ZNF143: variants seen among roughly 807,000 people sequenced by gnomAD.
The protein encoded by ZNF143 is SPH-binding factor.
In ZNF143, 49 loss-of-function variants were observed where a neutral mutation model predicts 74.1. That is an observed-to-expected ratio of 0.66 (90% CI 0.53 to 0.84). ZNF143 has a LOEUF of 0.84. ZNF143 is among the 40% of genes least tolerant of loss of function. The pLI is 0.00. For missense variants in ZNF143, 637 were observed against 793.4 expected (o/e 0.80, Z 2.37); for synonymous variants, 304 against 282.8 (o/e 1.07, Z -0.75).
At chr11:9,477,796 A>G (rs1003406253) in intron 5 of ZNF143, among the ~76,000 whole-genome samples, 2 of 151,958 alleles carry the variant, frequency 1.3e-5, no homozygotes, top group African/African-American at 4.8e-5. Flanking sequence ...TTGACTGTTA[A>G]TTGTTAGTGT....
chr11:9,526,455 A>G (rs755164303), intron 15 of ZNF143, among the ~76,000 whole-genome samples: 15 of 152,298 alleles, frequency 9.8e-5, no homozygotes, highest in Non-Finnish European at 2.1e-4. Context: ...TTTACTTGAT[A>G]AAGAGTTAGA....
At chr11:9,525,717 C>T (rs1463474231) in intron 15 of ZNF143, among the ~76,000 whole-genome samples, 3 of 152,160 alleles carry the variant, frequency 2.0e-5, no homozygotes, top group Admixed American at 1.3e-4. Context: ...AGAGCTACTC[C>T]TTAGAGAAAA....
chr11:9,497,529 C>A, intron 9 of ZNF143, 146 bp from the exon 10 acceptor site: 1 of 629,550 alleles, frequency 1.6e-6, no homozygotes, highest in East Asian at 3.7e-5. Flanking sequence ...CCGTGCCCGG[C>A]CCTTTTGTAC....
At chr11:9,481,279 T>C (rs978607181) in intron 7 of ZNF143, among the ~76,000 whole-genome samples, 2 of 152,034 alleles carry the variant, frequency 1.3e-5, no homozygotes, top group African/African-American at 2.4e-5. Flanking sequence ...TCACAGCTGT[T>C]TGGGAGGCGA....
intron 14 of ZNF143, among the ~76,000 whole-genome samples, chr11:9,518,300 A>G (rs1848791268): frequency 6.6e-6 from 1 of 152,206 alleles, no homozygotes; most frequent in Non-Finnish European, 1.5e-5. Flanking sequence ...GGAAACAACC[A>G]CCACCACCAC....
intron 5 of ZNF143, among the ~76,000 whole-genome samples, chr11:9,477,212 C>T (rs1856978914): frequency 8.7e-6 from 1 of 115,178 alleles, no homozygotes; most frequent in Non-Finnish European, 1.9e-5. Context: ...CCTCCCTTCC[C>T]TTCCTTCCCT....
At chr11:9,494,522 G>A (rs989859044) in intron 7 of ZNF143, 124 bp from the exon 8 acceptor site, 14 of 871,312 alleles carry the variant, frequency 1.6e-5, no homozygotes, top group East Asian at 2.8e-5. Flanking sequence ...TGTTGCCCAG[G>A]CTGCTCTTGA....
chr11:9,486,158 G>A (rs1369995460), intron 7 of ZNF143, among the ~76,000 whole-genome samples: 2 of 147,714 alleles, frequency 1.4e-5, no homozygotes, highest in African/African-American at 2.6e-5. Flanking sequence ...AGCCATGGGG[G>A]CCAATTAGAC....
intron 14 of ZNF143, among the ~76,000 whole-genome samples, chr11:9,517,251 C>T (rs2134216652): frequency 6.6e-6 from 1 of 151,782 alleles, no homozygotes; most frequent in South Asian, 2.1e-4. Flanking sequence ...GTCTTTTAAA[C>T]TTAACATCTT....
chr11:9,520,085 G>A (rs115305944), intron 14 of ZNF143, among the ~76,000 whole-genome samples: 4,550 of 126,324 alleles, frequency 0.036, 211 homozygotes, highest in African/African-American at 0.12. Flanking sequence ...CGCCCAGACT[G>A]CAGTGCAGTG....
intron 1 of ZNF143, among the ~76,000 whole-genome samples, chr11:9,461,472 G>A (rs1436901047): frequency 6.6e-6 from 1 of 152,170 alleles, no homozygotes; most frequent in Non-Finnish European, 1.5e-5. Context: ...GCGCCGCCGA[G>A]GCAGAGTTCC....
intron 15 of ZNF143, among the ~76,000 whole-genome samples, chr11:9,526,563 C>G (rs1189167310): frequency 6.6e-6 from 1 of 150,722 alleles, no homozygotes; most frequent in East Asian, 1.9e-4. Context: ...AGGTAAGCAT[C>G]TTTTGTCTCT....
intron 5 of ZNF143, among the ~76,000 whole-genome samples, chr11:9,477,230 CT>C (rs1310638719): frequency 3.1e-5 from 4 of 127,272 alleles, no homozygotes; most frequent in African/African-American, 5.9e-5. Context: ...CCTTCCTTCC[CT>C]TCCTTCCCTT....
chr11:9,464,021 A>G (rs1856031322), intron 1 of ZNF143, among the ~76,000 whole-genome samples: 1 of 152,024 alleles, frequency 6.6e-6, no homozygotes, highest in East Asian at 1.9e-4. Context: ...TCACTGTTTC[A>G]GATAGATAGA....
At chr11:9,521,967 G>A (rs1848946285) in intron 14 of ZNF143, among the ~76,000 whole-genome samples, 2 of 151,546 alleles carry the variant, frequency 1.3e-5, no homozygotes, top group Admixed American at 1.3e-4. Context: ...TCAGGAGGCT[G>A]AGGTGGGAGG....
intron 10 of ZNF143, among the ~76,000 whole-genome samples, chr11:9,500,546 G>T (rs911797568): frequency 6.6e-6 from 1 of 151,736 alleles, no homozygotes; most frequent in East Asian, 1.9e-4. Flanking sequence ...CGATTCTCCC[G>T]CCTCAGCCTC....
chr11:9,464,720 G>T (rs1020839837), intron 1 of ZNF143, among the ~76,000 whole-genome samples: 1 of 152,072 alleles, frequency 6.6e-6, no homozygotes, highest in African/African-American at 2.4e-5. Context: ...AGGAGTTCAA[G>T]ATGAGCCCGA....
chr11:9,479,521 A>G lies in ZNF143; in HGVS notation c.620A>G (p.Glu207Gly), dbSNP rs770956718. Residue 207 changes from glutamate (E) to glycine (G), a missense_variant, in exon 7 of 16, where the codon GAA (glutamate) becomes GGA (glycine). Glu to Gly is a moderately conservative substitution (Grantham distance 98, BLOSUM62 -2). Coordinates refer to ENST00000396602, the MANE Select transcript of ZNF143 (RefSeq NM_003442.6). Reference sequence around the variant, plus strand: ...GTAGCAGGTACTGGAATGATTGGAGAAAATGAGCAAGAGAAAAAAATGCAG... The same window carrying G: ...GTAGCAGGTACTGGAATGATTGGAGGAAATGAGCAAGAGAAAAAAATGCAG... ...ESVAGTGMIG[E>G]NEQEKKMQIV... The G allele has an allele frequency of 2.5e-6, 4 of 1,613,210 alleles. No homozygotes were observed. The highest frequency in any genetic ancestry group is 1.1e-5 in the South Asian group (1 of 91,038).
chr11:9,493,618 C>T lies in ZNF143; in HGVS notation c.646-1028C>T, dbSNP rs115078316. Among the ~76,000 whole-genome samples, 637 of 152,272 alleles carry T rather than the reference C, an allele frequency of 4.2e-3. 5 individuals carry two copies. The highest frequency in any genetic ancestry group is 0.015 in the African/African-American group (609 of 41,558). The stretch of plus-strand genomic sequence containing the variant: ...AACTCCCCCACCATTATTCTAGCCT[C>T]TGTAACTCCTCCTTTCTCTGCCTTT... On this transcript the variant is annotated intron_variant, in intron 7 of 15. Transcript: ENST00000396602.
Sources: gnomAD v4.1 joint callset for allele counts (sites outside exome capture counted in the v4.1 genomes callset) on GRCh38, gnomAD v4.1.1 for gene constraint, MANE v1.5 for transcripts, NCBI Gene and HGNC (gene_info 2026-07-23, HGNC 2026-07-21) for gene names.